The following GRIP1 variants were observed in gnomAD, a reference collection of about 807,000 sequenced individuals.
GRIP1 encodes glutamate receptor interacting protein 1.
Under a neutral mutation model 129.9 loss-of-function variants are expected in GRIP1, and 45 were observed. The ratio of observed to expected loss-of-function variants is 0.35; its 90% CI spans 0.27 to 0.44. GRIP1 has a LOEUF of 0.44. Among genes scored for constraint, GRIP1 ranks in the 20% least tolerant of loss-of-function variants. The probability of loss-of-function intolerance (pLI) is 1.00; values close to 1 mark genes in which losing one functional copy is unlikely to be tolerated. For missense variants in GRIP1, 1,196 were observed against 1,396.8 expected (o/e 0.86, Z 2.29); for synonymous variants, 530 against 520.8 (o/e 1.02, Z -0.24).
At chr12:66,439,228 A>G (rs2058402448) in intron 13 of GRIP1, among the ~76,000 whole-genome samples, 1 of 152,236 alleles carries the variant, frequency 6.6e-6, no homozygotes, top group South Asian at 2.1e-4. Flanking sequence ...TGGTCCCTCC[A>G]TTACACTGTG....
intron 15 of GRIP1, among the ~76,000 whole-genome samples, chr12:66,416,606 A>T (rs1196379159): frequency 1.3e-5 from 2 of 152,308 alleles, no homozygotes; most frequent in African/African-American, 2.4e-5. Flanking sequence ...AATTCAAAGG[A>T]TCATTAGTGG....
chr12:66,744,426 A>G (rs2036883051), intron 1 of GRIP1, among the ~76,000 whole-genome samples: 1 of 152,130 alleles, frequency 6.6e-6, no homozygotes, highest in African/African-American at 2.4e-5. Flanking sequence ...TCCTACACAG[A>G]TATTTTTGAT....
At chr12:66,697,799 G>A (rs2035216116) in intron 1 of GRIP1, among the ~76,000 whole-genome samples, 1 of 152,134 alleles carries the variant, frequency 6.6e-6, no homozygotes, top group South Asian at 2.1e-4. Flanking sequence ...TACTCTCTTT[G>A]TAGGAAGTTC....
chr12:66,852,022 A>G (rs2039921267), intron 1 of GRIP1, among the ~76,000 whole-genome samples: 1 of 152,030 alleles, frequency 6.6e-6, no homozygotes. Context: ...TATAGTTGTA[A>G]TCTATAAATT....
chr12:67,032,877 A>G (rs1368072521), intron 1 of GRIP1, among the ~76,000 whole-genome samples: 1 of 152,208 alleles, frequency 6.6e-6, no homozygotes, highest in Non-Finnish European at 1.5e-5. Flanking sequence ...ATTAGTTTTA[A>G]TATTTTATTT....
intron 1 of GRIP1, among the ~76,000 whole-genome samples, chr12:66,788,799 C>A (rs2038440707): frequency 2.0e-5 from 3 of 152,084 alleles, no homozygotes; most frequent in South Asian, 2.1e-4. Flanking sequence ...ATGATTGTAG[C>A]CCCAGCCTAT....
intron 7 of GRIP1, among the ~76,000 whole-genome samples, chr12:66,466,945 T>A (rs1003201139): frequency 6.6e-6 from 1 of 152,164 alleles, no homozygotes; most frequent in Non-Finnish European, 1.5e-5. Context: ...CACTGACTCA[T>A]GAAGCTGAAA....
intron 2 of GRIP1, among the ~76,000 whole-genome samples, chr12:66,542,209 A>G (rs2061805220): frequency 6.6e-6 from 1 of 152,150 alleles, no homozygotes. Context: ...CTTATGTACA[A>G]ATAATATTCA....
chr12:67,031,975 C>G (rs951472810), intron 1 of GRIP1, among the ~76,000 whole-genome samples: 33 of 152,232 alleles, frequency 2.2e-4, no homozygotes, highest in African/African-American at 7.2e-4. Flanking sequence ...CCATGCTGTT[C>G]CCTTTGTTTT....
At chr12:66,707,585 A>T (rs965644893) in intron 1 of GRIP1, among the ~76,000 whole-genome samples, 1 of 150,914 alleles carries the variant, frequency 6.6e-6, no homozygotes, top group Admixed American at 6.6e-5. Context: ...GGTCTCTCCT[A>T]GCACTTCAAG....
At chr12:67,011,420 T>C (rs1402829656) in intron 1 of GRIP1, among the ~76,000 whole-genome samples, 1 of 152,208 alleles carries the variant, frequency 6.6e-6, no homozygotes, top group Non-Finnish European at 1.5e-5. Context: ...ACGCTGTTTT[T>C]AGAAGGCCAT....
chr12:66,859,117 T>C (rs1379203267), intron 1 of GRIP1, among the ~76,000 whole-genome samples: 1 of 151,874 alleles, frequency 6.6e-6, no homozygotes, highest in Non-Finnish European at 1.5e-5. Flanking sequence ...ATGAGCCATA[T>C]GAAGGAATGT....
chr12:66,930,320 T>C (rs931491891), intron 1 of GRIP1, among the ~76,000 whole-genome samples: 8 of 140,372 alleles, frequency 5.7e-5, no homozygotes, highest in Admixed American at 1.5e-4. Context: ...TGTGTTCTCA[T>C]TGTTCAATTC....
chr12:66,917,736 T>C (rs1380983765), intron 1 of GRIP1, among the ~76,000 whole-genome samples: 1 of 152,160 alleles, frequency 6.6e-6, no homozygotes, highest in East Asian at 1.9e-4. Flanking sequence ...TAATTTCCTC[T>C]GTTTTCTCAG....
At chr12:66,555,599 T>G (rs557078381) in intron 2 of GRIP1, among the ~76,000 whole-genome samples, 1 of 151,840 alleles carries the variant, frequency 6.6e-6, no homozygotes, top group Non-Finnish European at 1.5e-5. Context: ...CCCAGAGAAA[T>G]AGAGCTATGT....
intron 1 of GRIP1, among the ~76,000 whole-genome samples, chr12:66,604,137 G>A (rs536917151): frequency 3.3e-5 from 5 of 152,148 alleles, no homozygotes; most frequent in Non-Finnish European, 4.4e-5. Context: ...ACAGAACCCA[G>A]CCTCTGATCT....
intron 1 of GRIP1, among the ~76,000 whole-genome samples, chr12:67,023,543 T>C (rs710631): frequency 0.91 from 138,660 of 152,148 alleles, 63,994 homozygotes; most frequent in Non-Finnish European, 0.98. Context: ...TTATGATATA[T>C]GCTAAATCAG....
intron 2 of GRIP1, among the ~76,000 whole-genome samples, chr12:66,584,561 A>C (rs2063540148): frequency 6.6e-6 from 1 of 152,144 alleles, no homozygotes; most frequent in Admixed American, 6.5e-5. Flanking sequence ...AAATAAATAA[A>C]ATAAAATATT....
At chr12:66,401,574 C>T (rs1024866321) in intron 16 of GRIP1, among the ~76,000 whole-genome samples, 9 of 82,404 alleles carry the variant, frequency 1.1e-4, no homozygotes, top group Non-Finnish European at 1.7e-4. Context: ...AGCAAAATTC[C>T]GTCTCAAAAA....
Sources: gnomAD v4.1 joint callset for allele counts (sites outside exome capture counted in the v4.1 genomes callset) on GRCh38, gnomAD v4.1.1 for gene constraint, MANE v1.5 for transcripts, NCBI Gene and HGNC (gene_info 2026-07-23, HGNC 2026-07-21) for gene names.